Variants in RAPGEF4 observed in about 807,000 individuals in gnomAD.
The protein encoded by RAPGEF4 is Rap guanine nucleotide exchange factor 4, also known as RAP guanine-nucleotide-exchange factor (GEF) 4.
RAPGEF4 carries 66 observed loss-of-function variants against 147.9 expected under a neutral mutation model. The observed-to-expected ratio is 0.45, with a 90% CI of 0.37 to 0.55. The LOEUF (loss-of-function observed/expected upper bound fraction) is 0.55, where lower values mean the gene tolerates loss of function less well. Among genes scored for constraint, RAPGEF4 ranks in the 20% least tolerant of loss-of-function variants. The pLI is 0.00. For synonymous variants in RAPGEF4, 419 were observed against 442.7 expected (o/e 0.95, Z 0.67); for missense variants, 1,071 against 1,257.3 (o/e 0.85, Z 2.24).
chr2:172,943,000 A>C (rs1400262795), intron 6 of RAPGEF4, among the ~76,000 whole-genome samples: 2 of 152,054 alleles, frequency 1.3e-5, no homozygotes, highest in African/African-American at 2.4e-5. Context: ...TGTGTATTAG[A>C]GGGCTTGGGA....
chr2:172,740,719 G>A (rs1694224843), intron 1 of RAPGEF4, among the ~76,000 whole-genome samples: 1 of 152,190 alleles, frequency 6.6e-6, no homozygotes. Context: ...TACTAGCCAT[G>A]TCCCAAGGGA....
chr2:172,851,324 T>G (rs1470172411), intron 4 of RAPGEF4, among the ~76,000 whole-genome samples: 5 of 152,208 alleles, frequency 3.3e-5, no homozygotes, highest in Non-Finnish European at 5.9e-5. Flanking sequence ...GATTTGTTTT[T>G]TTGAGTTTGC....
At chr2:172,817,919 TATAC>T (rs1361403317) in intron 4 of RAPGEF4, among the ~76,000 whole-genome samples, 8 of 147,120 alleles carry the variant, frequency 5.4e-5, no homozygotes, top group Admixed American at 3.4e-4. Flanking sequence ...ATATATATAA[TATAC>T]ATATTACAAT....
intron 1 of RAPGEF4, among the ~76,000 whole-genome samples, chr2:172,762,860 G>A (rs576136063): frequency 6.6e-6 from 1 of 152,290 alleles, no homozygotes; most frequent in South Asian, 2.1e-4. Context: ...CACTGATTGT[G>A]GACTTGCAAG....
chr2:172,979,990 C>A (rs760187100), intron 10 of RAPGEF4, among the ~76,000 whole-genome samples: 6 of 152,168 alleles, frequency 3.9e-5, no homozygotes, highest in African/African-American at 9.7e-5. Context: ...GCACTCCAGC[C>A]TGGGCAAGAA....
At chr2:172,985,634 C>T (rs1342068651) in intron 12 of RAPGEF4, 141 bp downstream of exon 12, 5 of 1,448,254 alleles carry the variant, frequency 3.5e-6, no homozygotes, top group African/African-American at 1.4e-5. Flanking sequence ...GTGGTACTTT[C>T]GTTTTTCTGG....
intron 4 of RAPGEF4, among the ~76,000 whole-genome samples, chr2:172,882,386 T>C (rs1308467262): frequency 3.3e-5 from 5 of 152,164 alleles, no homozygotes. Context: ...ACACACTTAA[T>C]GGGCCTCACT....
intron 15 of RAPGEF4, 64 bp from the exon 16 acceptor site, chr2:172,996,402 T>G: frequency 1.1e-6 from 1 of 937,030 alleles, no homozygotes; most frequent in Non-Finnish European, 1.6e-6. Context: ...CTTAGATAAG[T>G]AAAAGTTTTT....
At chr2:173,009,922 A>G (rs1044685067) in intron 17 of RAPGEF4, among the ~76,000 whole-genome samples, 3 of 152,214 alleles carry the variant, frequency 2.0e-5, no homozygotes, top group African/African-American at 7.2e-5. Context: ...ACAAACTTTG[A>G]AGTCATCTGA....
intron 1 of RAPGEF4, among the ~76,000 whole-genome samples, chr2:172,762,438 T>C (rs1224227889): frequency 6.6e-6 from 1 of 152,176 alleles, no homozygotes; most frequent in Non-Finnish European, 1.5e-5. Context: ...GTCCCAAAAG[T>C]GGTTGGAAAA....
At chr2:172,797,899 A>G (rs542276726) in intron 3 of RAPGEF4, among the ~76,000 whole-genome samples, 2 of 152,324 alleles carry the variant, frequency 1.3e-5, no homozygotes, top group East Asian at 1.9e-4. Context: ...AAGCAATTTC[A>G]GTGTGACACA....
intron 1 of RAPGEF4, among the ~76,000 whole-genome samples, chr2:172,748,960 A>G (rs974990274): frequency 2.0e-5 from 3 of 152,220 alleles, no homozygotes; most frequent in Non-Finnish European, 2.9e-5. Context: ...TAAGACTCCA[A>G]ATGATCTCTG....
At chr2:172,969,699 G>C (rs568308814) in intron 10 of RAPGEF4, among the ~76,000 whole-genome samples, 5 of 152,224 alleles carry the variant, frequency 3.3e-5, no homozygotes, top group Non-Finnish European at 5.9e-5. Context: ...ATTAGATTAA[G>C]ATCCAACAAT....
intron 5 of RAPGEF4, among the ~76,000 whole-genome samples, chr2:172,919,330 C>A (rs949676764): frequency 6.6e-6 from 1 of 152,088 alleles, no homozygotes; most frequent in Non-Finnish European, 1.5e-5. Flanking sequence ...CTCTTCGACC[C>A]CTCAAAGTCT....
chr2:172,930,319 C>T (rs1266304766), intron 6 of RAPGEF4, among the ~76,000 whole-genome samples: 1 of 152,186 alleles, frequency 6.6e-6, no homozygotes, highest in Non-Finnish European at 1.5e-5. Context: ...CTTCCTCACC[C>T]CTCCTCAAAG....
intron 6 of RAPGEF4, among the ~76,000 whole-genome samples, chr2:172,930,292 G>A (rs1421594988): frequency 6.6e-6 from 1 of 152,168 alleles, no homozygotes; most frequent in Non-Finnish European, 1.5e-5. Context: ...AGGCATTCCA[G>A]TGTCCCAACA....
At chr2:173,045,165 G>A (rs1314735520) in intron 29 of RAPGEF4, among the ~76,000 whole-genome samples, 1 of 152,174 alleles carries the variant, frequency 6.6e-6, no homozygotes, top group East Asian at 1.9e-4. Context: ...CTAACTAGAT[G>A]GTTTTAGTTT....
intron 4 of RAPGEF4, among the ~76,000 whole-genome samples, chr2:172,860,544 G>A (rs559346012): frequency 6.6e-6 from 1 of 150,426 alleles, no homozygotes; most frequent in African/African-American, 2.5e-5. Context: ...CAGGAAGCCT[G>A]TGCGTGAGTT....
chr2:172,991,977 A>G (rs539058887), intron 15 of RAPGEF4, among the ~76,000 whole-genome samples: 1 of 152,336 alleles, frequency 6.6e-6, no homozygotes, highest in South Asian at 2.1e-4. Context: ...AGATGGAGAA[A>G]TTTATGCTCA....
Sources: allele counts gnomAD v4.1 joint callset (sites outside exome capture counted in the v4.1 genomes callset), GRCh38; gene constraint gnomAD v4.1.1; transcripts MANE v1.5; gene names NCBI Gene and HGNC (gene_info 2026-07-23, HGNC 2026-07-21).